The following HMCN1 variants were observed in gnomAD, a reference collection of about 807,000 sequenced individuals.
The protein encoded by HMCN1 is hemicentin 1.
A neutral mutation model predicts 625.9 loss-of-function variants in HMCN1; 321 were observed. That is an observed-to-expected ratio of 0.51 (90% CI 0.47 to 0.56). The LOEUF (loss-of-function observed/expected upper bound fraction) is 0.56, where lower values mean the gene tolerates loss of function less well. HMCN1 is among the 20% of genes least tolerant of loss of function. HMCN1 has a pLI of 0.00. For synonymous variants in HMCN1, 2,425 were observed against 2,417.6 expected (o/e 1.00, Z -0.09); for missense variants, 6,588 against 6,887.3 (o/e 0.96, Z 1.54).
intron 1 of HMCN1, among the ~76,000 whole-genome samples, chr1:185,832,437 A>G (rs1428421130): frequency 6.6e-6 from 1 of 152,216 alleles, no homozygotes; most frequent in Admixed American, 6.5e-5. Flanking sequence ...TTATTAAGAC[A>G]ATTTGGTTCT....
At chr1:186,128,872 T>C (rs1469198920) in intron 83 of HMCN1, among the ~76,000 whole-genome samples, 2 of 150,198 alleles carry the variant, frequency 1.3e-5, no homozygotes, top group Admixed American at 1.3e-4. Flanking sequence ...TACTGAGAAA[T>C]TGTTCTATCC....
chr1:185,980,497 C>T (rs1651541538), intron 16 of HMCN1, among the ~76,000 whole-genome samples: 1 of 152,146 alleles, frequency 6.6e-6, no homozygotes, highest in South Asian at 2.1e-4. Context: ...GAATCTGGCC[C>T]ATGTTTCACC....
chr1:185,987,436 G>C lies in HMCN1; in HGVS notation c.2940G>C (p.Leu980=), dbSNP rs778409032. 3.1e-6 allele frequency: 5 copies of C among 1,607,926 alleles called. No homozygotes were observed. The East Asian group carries it at 1.1e-4, about 36-fold the overall frequency. The stretch of plus-strand genomic sequence containing the variant: ...AAATCCTACTTACCTTTTCAGTTCT[G>C]CCAACCATTCAGCATGGGCAGCAGA... ...NKTTSVVVHV[L]PTIQHGQQIL... The change falls in exon 20 of 107, where the codon CTG becomes CTC. Residue 980 remains leucine (L), a synonymous_variant. Transcript: ENST00000271588.
chr1:186,076,643 G>A, intron 54 of HMCN1, 21 bp downstream of exon 54: 8 of 1,606,268 alleles, frequency 5.0e-6, no homozygotes, highest in Non-Finnish European at 6.0e-6. Flanking sequence ...ATACCAACAG[G>A]GTGAAAAGCT....
chr1:186,138,078 C>A, intron 89 of HMCN1, 106 bp downstream of exon 89: 6 of 1,184,730 alleles, frequency 5.1e-6, no homozygotes, highest in Non-Finnish European at 7.4e-6. Flanking sequence ...GATGTTATGG[C>A]CTCTACCCTT....
chr1:185,973,177 C>G (rs186183248), intron 15 of HMCN1, among the ~76,000 whole-genome samples: 4 of 152,098 alleles, frequency 2.6e-5, no homozygotes, highest in Non-Finnish European at 5.9e-5. Context: ...ATCATCCTAA[C>G]GTACACCCAG....
chr1:185,946,221 A>T (rs1668336202), intron 11 of HMCN1, among the ~76,000 whole-genome samples: 1 of 152,164 alleles, frequency 6.6e-6, no homozygotes, highest in Non-Finnish European at 1.5e-5. Flanking sequence ...CTATCAACAT[A>T]CGTTAAAGGC....
chr1:186,161,789 C>T (rs549350582), intron 97 of HMCN1, among the ~76,000 whole-genome samples: 164 of 152,242 alleles, frequency 1.1e-3, no homozygotes, highest in African/African-American at 3.0e-3. Flanking sequence ...CTGAGAGATC[C>T]GCTGTTAGTC....
rs895768217 is a variant in HMCN1 at position 186,125,600 on chromosome 1, A to G, written c.12500-4A>G. On this transcript the variant is annotated splice_polypyrimidine_tract_variant and splice_region_variant and intron_variant, in intron 81 of 106. Transcript: ENST00000271588. ...TGGATGACTCTTTTTTAAACTCTTC[A>G]TAGTACCACCCAGGATCAGAAGTAC... 3.1e-6 allele frequency: 5 copies of G among 1,611,070 alleles called. No individual in the cohort carries two copies. Among genetic ancestry groups the G allele is most frequent in the East Asian group, 2.2e-5 (1 of 44,850 alleles).
intron 14 of HMCN1, among the ~76,000 whole-genome samples, chr1:185,970,122 T>C (rs1650706828): frequency 6.6e-6 from 1 of 152,212 alleles, no homozygotes; most frequent in Admixed American, 6.5e-5. Flanking sequence ...CTTTTTTATT[T>C]AGTTACACAT....
At position 186,070,627 on chromosome 1, in the gene HMCN1, A is replaced by C. The variant is rs202118890; in HGVS notation, c.8009A>C (p.Asn2670Thr). Residue 2670 changes from asparagine to threonine, a missense_variant, in exon 52 of 107, where the codon AAT (asparagine) becomes ACT (threonine). Physicochemically the swap from Asn to Thr is moderately conservative, Grantham distance 65. Around this residue, in one of 3 missense-constraint regions of HMCN1, gnomAD observed 4,628 missense variants for 4,853.1 expected, o/e 0.95. Transcript: ENST00000271588. ...EVKVYIPPII[N>T]KGDLWGPGLS... The stretch of plus-strand genomic sequence containing the variant: ...TTTTATGCAGTTCCACCCATAATCA[A>C]TAAAGGGGACCTTTGGGGGCCAGGT... The C allele has an allele frequency of 1.9e-6, 3 of 1,612,928 alleles. No homozygotes were observed. In the East Asian group the frequency reaches 6.7e-5, roughly 36 times the overall value.
chr1:186,022,758 C>A (rs1326207750), intron 35 of HMCN1, among the ~76,000 whole-genome samples: 3 of 151,666 alleles, frequency 2.0e-5, no homozygotes, highest in Non-Finnish European at 4.4e-5. Flanking sequence ...GTGCTAAAGT[C>A]TTTTATTCAG....
intron 46 of HMCN1, among the ~76,000 whole-genome samples, chr1:186,060,647 A>G (rs1657628309): frequency 6.6e-6 from 1 of 152,206 alleles, no homozygotes; most frequent in Non-Finnish European, 1.5e-5. Flanking sequence ...TCACTAGTGC[A>G]TGAAGTGACC....
chr1:185,857,716 G>A (rs967889829), intron 2 of HMCN1, among the ~76,000 whole-genome samples: 5 of 152,112 alleles, frequency 3.3e-5, no homozygotes, highest in African/African-American at 1.2e-4. Flanking sequence ...AGTATGTTAA[G>A]TGTACCTCGA....
In HMCN1 at chr1:185,854,267, C is replaced by T. The variant is rs139734391; in HGVS notation, c.339+8171C>T. Among the ~76,000 whole-genome samples, 24 of 152,094 alleles carry T rather than the reference C, an allele frequency of 1.6e-4. No homozygotes were observed. The East Asian group carries it at 2.1e-3, about 13-fold the overall frequency. Reference sequence around the variant, plus strand: ...AACTGGGTAGGAGCAGTTAGTTCTCCGAAAGCATCTTTTTTTATTCCTAGA... The same window carrying T: ...AACTGGGTAGGAGCAGTTAGTTCTCTGAAAGCATCTTTTTTTATTCCTAGA... On this transcript the variant is annotated intron_variant, in intron 2 of 106. Transcript: ENST00000271588.
At chr1:185,889,216 C>T (rs1351960450) in intron 4 of HMCN1, among the ~76,000 whole-genome samples, 6 of 145,166 alleles carry the variant, frequency 4.1e-5, no homozygotes, top group Non-Finnish European at 5.9e-5. Flanking sequence ...TGGGCTGAGA[C>T]GATGGGGTTT....
At chr1:186,189,365 C>A in intron 106 of HMCN1, 147 bp from the exon 107 acceptor site, 2 of 767,942 alleles carry the variant, frequency 2.6e-6, no homozygotes, top group South Asian at 1.6e-5. Context: ...GTTAGTGACA[C>A]AGAAGACGAC....
intron 2 of HMCN1, 97 bp from the exon 3 acceptor site, chr1:185,864,373 C>A: frequency 1.7e-6 from 2 of 1,152,166 alleles, no homozygotes; most frequent in Non-Finnish European, 2.6e-6. Flanking sequence ...AAAAGGAAAA[C>A]TTGCTCGTTC....
chr1:185,870,918 A>C (rs1342194895), intron 4 of HMCN1, among the ~76,000 whole-genome samples: 2 of 152,124 alleles, frequency 1.3e-5, no homozygotes, highest in East Asian at 3.9e-4. Flanking sequence ...TAGGGAACCA[A>C]GGAGCCCTGT....
Sources: gnomAD v4.1 joint callset for allele counts (sites outside exome capture counted in the v4.1 genomes callset) on GRCh38, gnomAD v4.1.1 for gene constraint, gnomAD v4.1.1 regional missense constraint, MANE v1.5 for transcripts, NCBI Gene and HGNC (gene_info 2026-07-23, HGNC 2026-07-21) for gene names.